Variants in POU2AF2 observed in about 807,000 individuals in gnomAD.
The protein encoded by POU2AF2 is POU domain class 2-associating factor 2.
the POU2AF2 span, among the ~76,000 whole-genome samples, chr11:111,263,058 T>C: frequency 9.9e-4 from 151 of 152,330 alleles, no homozygotes; most frequent in African/African-American, 3.4e-3. Context: ...TAAAATCTAC[T>C]TATTTAACAA....
the POU2AF2 span, among the ~76,000 whole-genome samples, chr11:111,264,923 AAG>A: frequency 2.7e-5 from 4 of 145,638 alleles, no homozygotes; most frequent in Non-Finnish European, 4.5e-5. Flanking sequence ...AAGAGAAAGA[AAG>A]AAGAAAGAAA....
At chr11:111,253,810 C>T in the POU2AF2 span, among the ~76,000 whole-genome samples, 1,532 of 152,298 alleles carry the variant, frequency 0.01, 21 homozygotes, top group African/African-American at 0.035. Context: ...AGCCTCACTT[C>T]CTGCCACTTC....
the POU2AF2 span, among the ~76,000 whole-genome samples, chr11:111,279,371 A>G: frequency 2.0e-5 from 3 of 152,214 alleles, no homozygotes; most frequent in Non-Finnish European, 2.9e-5. Flanking sequence ...GGGATGACTT[A>G]CAGCAACAGA....
the POU2AF2 span, among the ~76,000 whole-genome samples, chr11:111,271,046 G>C: frequency 2.0e-5 from 3 of 152,202 alleles, no homozygotes; most frequent in Non-Finnish European, 2.9e-5. Flanking sequence ...TTCTGGGCGG[G>C]GTGCAGTGGC....
chr11:111,276,453 A>AAATATAGATATATATAT, the POU2AF2 span, among the ~76,000 whole-genome samples: 3 of 37,692 alleles, frequency 8.0e-5, no homozygotes, highest in Non-Finnish European at 1.0e-4. Flanking sequence ...AAAAAAAAAA[A>AAATATAGATATATATAT]ATATATATAT....
the POU2AF2 span, among the ~76,000 whole-genome samples, chr11:111,282,343 A>G: frequency 3.9e-5 from 6 of 152,254 alleles, no homozygotes; most frequent in Non-Finnish European, 8.8e-5. Context: ...ATTAAGGTTC[A>G]GCTGCACAGA....
the POU2AF2 span, chr11:111,285,790 C>T: frequency 1.2e-6 from 2 of 1,610,772 alleles, no homozygotes; most frequent in Non-Finnish European, 1.7e-6. Flanking sequence ...AGCACAGGGG[C>T]TCAAGCTGGG....
chr11:111,271,842 G>A, the POU2AF2 span, among the ~76,000 whole-genome samples: 17 of 151,852 alleles, frequency 1.1e-4, no homozygotes, highest in Non-Finnish European at 2.2e-4. Context: ...GTGAAACCCC[G>A]TCTCTACTAA....
chr11:111,279,522 G>A, the POU2AF2 span, among the ~76,000 whole-genome samples: 1 of 152,176 alleles, frequency 6.6e-6, no homozygotes, highest in African/African-American at 2.4e-5. Context: ...GATCCTCGAT[G>A]TTCCTTGGCT....
chr11:111,282,082 G>A, the POU2AF2 span, among the ~76,000 whole-genome samples: 2 of 151,936 alleles, frequency 1.3e-5, no homozygotes, highest in Admixed American at 1.3e-4. Context: ...TTGAAATTTG[G>A]TGGCATCTCC....
the POU2AF2 span, among the ~76,000 whole-genome samples, chr11:111,273,126 A>T: frequency 6.6e-6 from 1 of 152,338 alleles, no homozygotes; most frequent in East Asian, 1.9e-4. Flanking sequence ...GATATGTTTG[A>T]GATAGTTTAG....
the POU2AF2 span, chr11:111,246,004 A>C: frequency 2.6e-6 from 1 of 390,776 alleles, no homozygotes; most frequent in African/African-American, 2.1e-5. Context: ...TATAAAACAC[A>C]GATCAAGGAC....
chr11:111,276,453 A>AAAAATATATATATATAT, the POU2AF2 span, among the ~76,000 whole-genome samples: 49 of 37,548 alleles, frequency 1.3e-3, no homozygotes, highest in Non-Finnish European at 1.6e-3. Context: ...AAAAAAAAAA[A>AAAAATATATATATATAT]ATATATATAT....
the POU2AF2 span, among the ~76,000 whole-genome samples, chr11:111,279,589 C>T: frequency 1.5e-3 from 230 of 152,284 alleles, no homozygotes; most frequent in African/African-American, 5.3e-3. Flanking sequence ...GTCCCATCTG[C>T]ATCTGTGTCT....
the POU2AF2 span, among the ~76,000 whole-genome samples, chr11:111,248,556 G>A: frequency 6.6e-6 from 1 of 152,126 alleles, no homozygotes; most frequent in South Asian, 2.1e-4. Context: ...AGTGTAATTC[G>A]GAGAGACATT....
the POU2AF2 span, among the ~76,000 whole-genome samples, chr11:111,269,266 C>G: frequency 6.6e-6 from 1 of 152,078 alleles, no homozygotes; most frequent in Non-Finnish European, 1.5e-5. Context: ...TGTTTGAATA[C>G]AGAGGTACAC....
At chr11:111,263,015 T>C in the POU2AF2 span, among the ~76,000 whole-genome samples, 1 of 152,224 alleles carries the variant, frequency 6.6e-6, no homozygotes, top group Middle Eastern at 3.2e-3. Flanking sequence ...TATTACTTAC[T>C]GATACTTAGT....
chr11:111,259,162 T>G, the POU2AF2 span, among the ~76,000 whole-genome samples: 1 of 152,198 alleles, frequency 6.6e-6, no homozygotes, highest in South Asian at 2.1e-4. Flanking sequence ...TCTCATGTGT[T>G]GTTTCATTTG....
chr11:111,278,649 A>G, the POU2AF2 span, among the ~76,000 whole-genome samples: 3 of 152,218 alleles, frequency 2.0e-5, no homozygotes, highest in Non-Finnish European at 4.4e-5. Flanking sequence ...GGCCCGCACT[A>G]AAAACCACAC....
Sources: allele counts gnomAD v4.1 joint callset (sites outside exome capture counted in the v4.1 genomes callset), GRCh38; gene constraint gnomAD v4.1.1; transcripts MANE v1.5; gene names NCBI Gene and HGNC (gene_info 2026-07-23, HGNC 2026-07-21).